Variants in RBM26 observed in about 807,000 individuals in gnomAD.
RBM26 encodes RNA-binding protein 26.
In RBM26, 30 loss-of-function variants were observed where a neutral mutation model predicts 123.6. That is an observed-to-expected ratio of 0.24 (90% CI 0.18 to 0.33). RBM26 has a LOEUF of 0.33. RBM26 is among the 10% of genes least tolerant of loss of function. The pLI is 1.00. For missense variants in RBM26, 947 were observed against 1,203.6 expected, an observed-to-expected ratio of 0.79 and a Z score of 3.15; for synonymous variants, 400 against 404.4, an observed-to-expected ratio of 0.99 and a Z score of 0.13.
intron 11 of RBM26, among the ~76,000 whole-genome samples, chr13:79,357,879 C>T (rs998473262): frequency 2.1e-5 from 2 of 97,000 alleles, no homozygotes; most frequent in Middle Eastern, 6.0e-3. Flanking sequence ...TTCAGAATAA[C>T]AATTTTTTTT....
intron 4 of RBM26, 115 bp from the exon 5 acceptor site, chr13:79,371,277 C>A: frequency 1.2e-6 from 1 of 813,480 alleles, no homozygotes; most frequent in African/African-American, 1.7e-5. Context: ...ATCCTACCAT[C>A]AGACAACTGA....
chr13:79,329,638 A>T (rs1399720221), intron 20 of RBM26, among the ~76,000 whole-genome samples: 1 of 152,142 alleles, frequency 6.6e-6, no homozygotes, highest in Admixed American at 6.5e-5. Flanking sequence ...GAATAACTTC[A>T]ACATTAATAA....
intron 9 of RBM26, among the ~76,000 whole-genome samples, chr13:79,360,720 A>C (rs2074578458): frequency 6.6e-6 from 1 of 152,104 alleles, no homozygotes; most frequent in African/African-American, 2.4e-5. Flanking sequence ...AAAAAGGAAA[A>C]GATTCAAGTC....
chr13:79,403,442 A>G (rs1283870951), intron 1 of RBM26, among the ~76,000 whole-genome samples: 1 of 152,208 alleles, frequency 6.6e-6, no homozygotes, highest in Non-Finnish European at 1.5e-5. Flanking sequence ...CTAAGTAGCT[A>G]CAGTCTTCTC....
chr13:79,320,101 A>G lies in RBM26; in HGVS notation c.*520T>C. 3.1e-6 allele frequency: 3 copies of G among 974,648 alleles called. No individual in the cohort carries two copies. In the South Asian group the frequency reaches 1.4e-4, roughly 46 times the overall value. 60.4% of individuals were successfully genotyped at this position (974,648 alleles called of 1,614,324 possible). On this transcript the variant is annotated 3_prime_UTR_variant, in exon 22 of 22. Coordinates refer to ENST00000438737, the MANE Select transcript of RBM26 (RefSeq NM_001366735.2). ...TTATCATTAAAACCCATATGGTAAA[A>G]TACATACACAGTCCAACAAAAGGCT...
chr13:79,322,926 AATT>A (rs1416733277), intron 20 of RBM26, among the ~76,000 whole-genome samples: 1 of 151,452 alleles, frequency 6.6e-6, no homozygotes, highest in Non-Finnish European at 1.5e-5. Flanking sequence ...AATGGTATAT[AATT>A]ATTAATCTTT....
chr13:79,318,923 C>T lies in RBM26; in HGVS notation c.*1698G>A, dbSNP rs181874556. ...AAACTTACCTAATGAATCAGAATAGCACATAGTCAACATACAAGAGACTAC... is the reference window on the plus strand; with the variant it reads ...AAACTTACCTAATGAATCAGAATAGTACATAGTCAACATACAAGAGACTAC... On this transcript the variant is annotated 3_prime_UTR_variant, in exon 22 of 22. Coordinates refer to ENST00000438737, the MANE Select transcript of RBM26 (RefSeq NM_001366735.2). 9.7e-5 allele frequency: 95 copies of T among 978,294 alleles called. 1 individual carries two copies. The Admixed American group carries it at 1.1e-3, about 11-fold the overall frequency. 60.6% of individuals were successfully genotyped at this position (978,294 alleles called of 1,614,324 possible).
intron 1 of RBM26, among the ~76,000 whole-genome samples, chr13:79,381,450 T>A (rs148353522): frequency 1.7e-5 from 2 of 118,976 alleles, no homozygotes; most frequent in Non-Finnish European, 3.7e-5. Flanking sequence ...TATTATTATG[T>A]TTTATTGCAA....
chr13:79,403,763 CCA>C (rs1489251393), intron 1 of RBM26, among the ~76,000 whole-genome samples: 1 of 152,116 alleles, frequency 6.6e-6, no homozygotes, highest in Non-Finnish European at 1.5e-5. Context: ...ACTATGATGC[CCA>C]CTCTCCAATA....
rs530418841 is a variant in RBM26 at position 79,370,764 on chromosome 13, T to C, written c.634+181A>G. Among the ~76,000 whole-genome samples, 7 of 152,348 alleles carry C rather than the reference T, an allele frequency of 4.6e-5. No individual in the cohort carries two copies. The South Asian group carries it at 1.0e-3, about 23-fold the overall frequency. ...ATCCTGTTGAATGTGTAGTGGTAAC[T>C]GTGATTTTAATTTGCAAGGAATAAA... On this transcript the variant is annotated intron_variant, in intron 5 of 21. Transcript: ENST00000438737.
At chr13:79,339,805 T>C (rs535772559) in intron 18 of RBM26, among the ~76,000 whole-genome samples, 1 of 152,260 alleles carries the variant, frequency 6.6e-6, no homozygotes, top group African/African-American at 2.4e-5. Context: ...TTGTATTATT[T>C]AGCCTAAGAA....
intron 3 of RBM26, among the ~76,000 whole-genome samples, chr13:79,372,577 ATATATTCAT>A (rs2076008729): frequency 6.6e-6 from 1 of 150,440 alleles, no homozygotes; most frequent in South Asian, 2.1e-4. Context: ...AAAGTCTAAC[ATATATTCAT>A]GTTTTGGTTT....
intron 1 of RBM26, among the ~76,000 whole-genome samples, chr13:79,388,739 A>G (rs1231471617): frequency 6.6e-6 from 1 of 152,244 alleles, no homozygotes; most frequent in Admixed American, 6.5e-5. Context: ...GTTTTCAAAA[A>G]TAAGTTCTAC....
At chr13:79,394,562 A>G (rs1594728662) in intron 1 of RBM26, among the ~76,000 whole-genome samples, 1 of 152,162 alleles carries the variant, frequency 6.6e-6, no homozygotes, top group Non-Finnish European at 1.5e-5. Flanking sequence ...GCCTTTCTCA[A>G]CATGCATCAA....
chr13:79,337,828 A>AC (rs2070705994), intron 18 of RBM26, among the ~76,000 whole-genome samples: 1 of 152,186 alleles, frequency 6.6e-6, no homozygotes, highest in African/African-American at 2.4e-5. Context: ...ATGATAGCAC[A>AC]CCACTCCTTC....
chr13:79,347,337 A>C (rs902179608), intron 14 of RBM26, among the ~76,000 whole-genome samples: 1 of 152,222 alleles, frequency 6.6e-6, no homozygotes, highest in South Asian at 2.1e-4. Flanking sequence ...TCTAACAATT[A>C]TAAGACACAG....
rs1183812598 is a variant in RBM26, at chr13:79,320,724, T to C, written c.2935-14A>G. 1 of 1,501,412 alleles carries C rather than the reference T, an allele frequency of 6.7e-7. No individual in the cohort carries two copies. The highest frequency in any genetic ancestry group is 1.6e-5 in the African/African-American group (1 of 64,328). 93.0% of individuals were successfully genotyped at this position (1,501,412 alleles called of 1,614,324 possible). A position where few individuals can be genotyped will look rare whatever the true frequency, so the allele number is the denominator to read the frequency against. On this transcript the variant is annotated splice_polypyrimidine_tract_variant and intron_variant, in intron 21 of 21. Transcript: ENST00000438737. ...CTCTTCCTGAAACTTTAGGTTAAAATGTATTTAGGAATTTACCCAAAAAAA... is the reference window on the plus strand; with the variant it reads ...CTCTTCCTGAAACTTTAGGTTAAAACGTATTTAGGAATTTACCCAAAAAAA...
At chr13:79,341,512 G>A (rs1372177959) in intron 17 of RBM26, among the ~76,000 whole-genome samples, 1 of 151,710 alleles carries the variant, frequency 6.6e-6, no homozygotes, top group African/African-American at 2.4e-5. Context: ...TAACTGAAAG[G>A]AAAAGTAAAA....
At position 79,367,406 on chromosome 13, in the gene RBM26, C is replaced by CAAAAAAAAAAAAAAAAA. The variant is rs776345304; in HGVS notation, c.896-551_896-535dup. 5.9e-3 allele frequency among the ~76,000 whole-genome samples: 233 copies of CAAAAAAAAAAAAAAAAA among 39,606 alleles called. 19 individuals carry two copies. Among genetic ancestry groups the CAAAAAAAAAAAAAAAAA allele is most frequent in the East Asian group, 0.018 (11 of 604 alleles). The allele number at this position is 39,606 out of a possible 152,430, so 26.0% of individuals were successfully genotyped here. On this transcript the variant is annotated intron_variant, in intron 6 of 21. Transcript: ENST00000438737. The stretch of plus-strand genomic sequence containing the variant: ...TGGGGTATAGGGGGAGACTCCATCT[C>CAAAAAAAAAAAAAAAAA]AAAAAAAAAAAAAAAAAAAAAAAAA...
Sources: gnomAD v4.1 joint callset for allele counts (sites outside exome capture counted in the v4.1 genomes callset) on GRCh38, gnomAD v4.1.1 for gene constraint, MANE v1.5 for transcripts, NCBI Gene and HGNC (gene_info 2026-07-23, HGNC 2026-07-21) for gene names.